Variants in BTAF1 observed in about 807,000 individuals in gnomAD.
BTAF1 encodes the protein B-TFIID TATA-box binding protein associated factor 1.
In BTAF1, 38 loss-of-function variants were observed where a neutral mutation model predicts 227.1. That is an observed-to-expected ratio of 0.17 (90% CI 0.13 to 0.22). The LOEUF (loss-of-function observed/expected upper bound fraction) is 0.22, where lower values mean the gene tolerates loss of function less well. Among genes scored for constraint, BTAF1 ranks in the 10% least tolerant of loss-of-function variants. The pLI is 1.00. For missense variants in BTAF1, 1,598 were observed against 2,204.0 expected, an observed-to-expected ratio of 0.73 and a Z score of 5.51; for synonymous variants, 742 against 751.9, an observed-to-expected ratio of 0.99 and a Z score of 0.21.
At chr10:91,955,566 G>A (rs1846036289) in intron 6 of BTAF1, among the ~76,000 whole-genome samples, 1 of 152,140 alleles carries the variant, frequency 6.6e-6, no homozygotes, top group Non-Finnish European at 1.5e-5. Flanking sequence ...GAAGGTCTAG[G>A]AGGGCTTCCT....
chr10:91,948,257 GCTTTAT>G (rs1193942553), intron 4 of BTAF1, among the ~76,000 whole-genome samples: 7 of 146,438 alleles, frequency 4.8e-5, no homozygotes, highest in South Asian at 4.3e-4. Flanking sequence ...GAACAGTATT[GCTTTAT>G]CTTTAAGTTC....
chr10:91,961,064 C>T (rs528788442), intron 11 of BTAF1, among the ~76,000 whole-genome samples: 4 of 152,266 alleles, frequency 2.6e-5, no homozygotes, highest in South Asian at 2.1e-4. Context: ...TTCTCCTTCT[C>T]CCTGCTTCTC....
intron 1 of BTAF1, among the ~76,000 whole-genome samples, chr10:91,925,946 C>T (rs1843797776): frequency 1.3e-5 from 2 of 152,092 alleles, no homozygotes; most frequent in South Asian, 2.1e-4. Flanking sequence ...TTTTCTCGTT[C>T]ACTTTTTTAA....
At chr10:91,977,885 G>A (rs1206466254) in intron 14 of BTAF1, among the ~76,000 whole-genome samples, 2 of 152,130 alleles carry the variant, frequency 1.3e-5, no homozygotes, top group African/African-American at 4.8e-5. Context: ...TAGGTTCATA[G>A]CAAAATTGAA....
At chr10:92,028,759 A>ATTTTTTT in intron 37 of BTAF1, 31 bp from the exon 38 acceptor site, 1 of 1,386,522 alleles carries the variant, frequency 7.2e-7, no homozygotes, top group South Asian at 1.4e-5. Flanking sequence ...CTCTCATTTT[A>ATTTTTTT]TTTTTTTTTT....
At chr10:91,968,006 G>A (rs1353755922) in intron 14 of BTAF1, among the ~76,000 whole-genome samples, 1 of 152,058 alleles carries the variant, frequency 6.6e-6, no homozygotes, top group Non-Finnish European at 1.5e-5. Flanking sequence ...TCTTGCATTA[G>A]TGTGGTACAT....
rs749979589 is a variant in BTAF1 at position 92,018,828 on chromosome 10, T to G, written c.4756T>G (p.Leu1586Val). ...RKLCNHPALV[L>V]TPQHPEFKTT... is the part of the protein sequence containing the mutation. The stretch of plus-strand genomic sequence containing the variant: ...ACTGTGCAACCATCCAGCATTAGTC[T>G]TAACACCTCAACATCCAGAATTCAA... The change falls in exon 34 of 38, where the codon TTA (leucine) becomes GTA (valine). Residue 1586 changes from leucine (L) to valine (V), a missense_variant. Physicochemically the swap from Leu to Val is conservative, Grantham distance 32. Transcript: ENST00000265990. The G allele has an allele frequency of 3.1e-6, 5 of 1,609,614 alleles. No individual in the cohort carries two copies. The highest frequency in any genetic ancestry group is 3.4e-6 in the Non-Finnish European group (4 of 1,178,808).
At position 91,993,719 on chromosome 10, in the gene BTAF1, G is replaced by A. The variant is rs758296724; in HGVS notation, c.3071G>A (p.Arg1024Gln). 3 of 1,579,104 alleles carry A rather than the reference G, an allele frequency of 1.9e-6. No individual in the cohort carries two copies. The highest frequency in any genetic ancestry group is 2.6e-6 in the Non-Finnish European group (3 of 1,159,022). Reference protein sequence around the residue: ...DEAQKPYLVQRRGAEFALTTI... With the variant: ...DEAQKPYLVQQRGAEFALTTI... ...GCCCAGAAGCCTTACCTGGTACAAC[G>A]GAGAGGAGCTGAATTTGCTTTGACA... is the stretch of plus-strand genomic sequence containing the variant. The change falls in exon 22 of 38, where the codon CGG becomes CAG. Residue 1024 changes from arginine (R) to glutamine (Q), a missense_variant. By Grantham distance (43) the Arg-to-Gln change is conservative. Transcript: ENST00000265990.
rs145022428 is a variant in BTAF1, at chr10:92,029,289, A to G, written c.*356A>G. The G allele has an allele frequency of 6.6e-4, 105 of 158,734 alleles. 2 individuals carry two copies. The highest frequency in any genetic ancestry group is 3.9e-4 in the Non-Finnish European group (28 of 72,260). 9.8% of individuals were successfully genotyped at this position (158,734 alleles called of 1,614,324 possible). On this transcript the variant is annotated 3_prime_UTR_variant, in exon 38 of 38. Transcript: ENST00000265990. ...TATCCATGAGTACTTTAGTGTTTGT[A>G]TATGTTTTTTCTTTTAAATAGAACT...
At chr10:91,946,371 GA>G (rs1294604683) in intron 4 of BTAF1, among the ~76,000 whole-genome samples, 1 of 152,044 alleles carries the variant, frequency 6.6e-6, no homozygotes, top group East Asian at 1.9e-4. Context: ...AAAAAAGAAA[GA>G]AAGAAAAATA....
intron 34 of BTAF1, among the ~76,000 whole-genome samples, chr10:92,021,755 A>G (rs1298916139): frequency 2.0e-5 from 3 of 152,028 alleles, no homozygotes; most frequent in South Asian, 4.1e-4. Context: ...CGTGTTAGCC[A>G]GGATGGTCTC....
chr10:92,015,283 T>G (rs2134137996), intron 32 of BTAF1, among the ~76,000 whole-genome samples: 1 of 152,360 alleles, frequency 6.6e-6, no homozygotes, highest in East Asian at 1.9e-4. Context: ...ATTTTCTCTT[T>G]GAAAATTTTT....
chr10:91,958,353 G>T (rs1232057527), intron 8 of BTAF1, among the ~76,000 whole-genome samples: 1 of 152,098 alleles, frequency 6.6e-6, no homozygotes, highest in Non-Finnish European at 1.5e-5. Context: ...ACCTCGCCCA[G>T]CCTGGAGCTT....
intron 33 of BTAF1, among the ~76,000 whole-genome samples, chr10:92,018,406 T>A (rs1380467422): frequency 6.6e-6 from 1 of 152,194 alleles, no homozygotes; most frequent in Non-Finnish European, 1.5e-5. Flanking sequence ...CACTGAAGTT[T>A]GAGCAACTTT....
chr10:91,941,944 C>G (rs1014684481), intron 3 of BTAF1, among the ~76,000 whole-genome samples: 1 of 152,246 alleles, frequency 6.6e-6, no homozygotes, highest in Non-Finnish European at 1.5e-5. Flanking sequence ...CATAAACCCA[C>G]AGTAGCTTTT....
At chr10:91,948,239 A>G (rs1845523845) in intron 4 of BTAF1, among the ~76,000 whole-genome samples, 1 of 144,514 alleles carries the variant, frequency 6.9e-6, no homozygotes, top group Non-Finnish European at 1.5e-5. Flanking sequence ...GTTCCCACCT[A>G]TGAGTGAGAA....
In BTAF1 at chr10:91,951,841, C is replaced by T. The variant is rs117481879; in HGVS notation, c.564+275C>T. ...AAAGATTCTAATTGCTGCAATTGCTCTTTTTTTGGTATGTTCTTTGATGTA... is the reference window on the plus strand; with the variant it reads ...AAAGATTCTAATTGCTGCAATTGCTTTTTTTTTGGTATGTTCTTTGATGTA... On this transcript the variant is annotated intron_variant, in intron 5 of 37. Coordinates refer to ENST00000265990, the MANE Select transcript of BTAF1 (RefSeq NM_003972.3). 1.2e-4 allele frequency among the ~76,000 whole-genome samples: 18 copies of T among 151,536 alleles called. No homozygotes were observed. The East Asian group carries it at 3.5e-3, about 29-fold the overall frequency.
chr10:91,981,491 A>T, intron 15 of BTAF1, 152 bp from the exon 16 acceptor site: 2 of 761,952 alleles, frequency 2.6e-6, no homozygotes, highest in Non-Finnish European at 1.9e-6. Flanking sequence ...AGAAAACAGT[A>T]CTGTATTTCA....
At chr10:91,965,841 C>T (rs570249052) in intron 13 of BTAF1, among the ~76,000 whole-genome samples, 1 of 152,190 alleles carries the variant, frequency 6.6e-6, no homozygotes, top group East Asian at 1.9e-4. Context: ...TCATACAAAC[C>T]TGCAAGTAAT....
Sources: gnomAD v4.1 joint callset for allele counts (sites outside exome capture counted in the v4.1 genomes callset) on GRCh38, gnomAD v4.1.1 for gene constraint, MANE v1.5 for transcripts, NCBI Gene and HGNC (gene_info 2026-07-23, HGNC 2026-07-21) for gene names.